SEMA4D: variants seen among roughly 807,000 people sequenced by gnomAD.
SEMA4D encodes the protein semaphorin 4D.
Under a neutral mutation model 74.8 loss-of-function variants are expected in SEMA4D, and 22 were observed. The observed-to-expected ratio is 0.29, with a 90% CI of 0.21 to 0.42. SEMA4D has a LOEUF of 0.42. Among genes scored for constraint, SEMA4D ranks in the 10% least tolerant of loss-of-function variants. SEMA4D has a pLI of 1.00. For missense variants in SEMA4D, 937 were observed against 1,118.4 expected (o/e 0.84, Z 2.31); for synonymous variants, 445 against 463.7 (o/e 0.96, Z 0.52).
exon 19 of SEMA4D, chr9:89,362,080 C>A (rs111907314): frequency 1.3e-5 from 7 of 527,464 alleles, no homozygotes; most frequent in Middle Eastern, 5.0e-4. Flanking sequence ...CCTGCACACA[C>A]CCTGCTGTTT....
chr9:89,364,343 C>G, intron 16 of SEMA4D: 1 of 314,284 alleles, frequency 3.2e-6, no homozygotes, highest in South Asian at 3.0e-5. Flanking sequence ...AGAGACATCC[C>G]AAGGCTCTGC....
Position 89,450,658 on chromosome 9 carries a change from A to AG in SEMA4D, c.-244+5229dup, listed in dbSNP as rs1176510497. 245 of 443,494 alleles carry AG rather than the reference A, an allele frequency of 5.5e-4. 16 individuals are homozygous for AG. The highest frequency in any genetic ancestry group is 1.6e-3 in the African/African-American group (26 of 16,466). The allele number at this position is 443,494 out of a possible 1,614,324, so 27.5% of individuals were successfully genotyped here. A position where few individuals can be genotyped will look rare whatever the true frequency, so the allele number is the denominator to read the frequency against. On this transcript the variant is annotated intron_variant, in intron 2 of 15. Coordinates refer to ENST00000422704, the MANE Select transcript of SEMA4D (RefSeq NM_001371194.2). The stretch of plus-strand genomic sequence containing the variant: ...CAGAGTTCTGCAAGTCGAAAAACCC[A>AG]GGAAAAAAAAAAAAAAAAAAAAAAA...
chr9:89,465,796 A>G (rs965430502), intron 1 of SEMA4D, among the ~76,000 whole-genome samples: 1 of 152,216 alleles, frequency 6.6e-6, no homozygotes, highest in Non-Finnish European at 1.5e-5. Context: ...TGACTTACAG[A>G]GCTGTACAAA....
chr9:89,424,668 C>A (rs1177410787), intron 2 of SEMA4D, among the ~76,000 whole-genome samples: 1 of 151,954 alleles, frequency 6.6e-6, no homozygotes, highest in African/African-American at 2.4e-5. Context: ...CTCCTGGGCA[C>A]CCTCTTCCTG....
intron 2 of SEMA4D, among the ~76,000 whole-genome samples, chr9:89,426,234 A>G (rs1848078895): frequency 6.6e-6 from 1 of 152,252 alleles, no homozygotes; most frequent in Non-Finnish European, 1.5e-5. Context: ...ATGAGGGGAT[A>G]GGCCCAGGAG....
intron 1 of SEMA4D, among the ~76,000 whole-genome samples, chr9:89,471,595 T>TGCCGGCTCAGGTGCAC (rs1554787245): frequency 6.7e-6 from 1 of 150,312 alleles, no homozygotes; most frequent in Non-Finnish European, 1.5e-5. Flanking sequence ...CTCAGATGCA[T>TGCCGGCTCAGGTGCAC]GCCAGCTCAG....
chr9:89,490,886 T>C (rs956844857), intron 1 of SEMA4D, among the ~76,000 whole-genome samples: 2 of 152,184 alleles, frequency 1.3e-5, no homozygotes, highest in Non-Finnish European at 2.9e-5. Context: ...GGCCATATGG[T>C]CTCTGTGGCA....
At chr9:89,493,319 C>T (rs774439789) in intron 1 of SEMA4D, among the ~76,000 whole-genome samples, 1 of 152,180 alleles carries the variant, frequency 6.6e-6, no homozygotes, top group Non-Finnish European at 1.5e-5. Context: ...TCTGTGCAGG[C>T]GCAAAGGCAG....
intron 7 of SEMA4D, among the ~76,000 whole-genome samples, chr9:89,393,078 G>C (rs1051820093): frequency 3.3e-5 from 5 of 152,180 alleles, no homozygotes; most frequent in Admixed American, 6.5e-5. Context: ...GACCACAGGT[G>C]TGCTCTCACT....
chr9:89,427,433 G>A (rs1174634895), intron 2 of SEMA4D, among the ~76,000 whole-genome samples: 1 of 152,114 alleles, frequency 6.6e-6, no homozygotes, highest in African/African-American at 2.4e-5. Flanking sequence ...AGACAGCCGG[G>A]GCCTGGGGAG....
intron 1 of SEMA4D, among the ~76,000 whole-genome samples, chr9:89,482,750 A>T (rs1234465346): frequency 6.6e-6 from 1 of 152,224 alleles, no homozygotes; most frequent in African/African-American, 2.4e-5. Context: ...TGACACCATC[A>T]CTTATTTAGA....
intron 1 of SEMA4D, among the ~76,000 whole-genome samples, chr9:89,471,156 T>C (rs1860088953): frequency 6.6e-6 from 1 of 152,240 alleles, no homozygotes; most frequent in African/African-American, 2.4e-5. Flanking sequence ...CACTGCGTGA[T>C]TCCACTTATA....
Position 89,379,270 on chromosome 9 carries a change from C to T in SEMA4D, c.2023G>A (p.Ala675Thr). The T allele has an allele frequency of 6.2e-7, 1 of 1,614,054 alleles. No individual in the cohort carries two copies. The highest frequency in any genetic ancestry group is 8.5e-7 in the Non-Finnish European group (1 of 1,180,012). The change falls in exon 16 of 16, where the codon GCA becomes ACA. Residue 675 changes from alanine (A) to threonine (T), a missense_variant. Coordinates refer to ENST00000422704, the MANE Select transcript of SEMA4D (RefSeq NM_001371194.2). Reference protein sequence around the residue: ...GSRIATKVLVASTQGSSPPTP... With the variant: ...GSRIATKVLVTSTQGSSPPTP... ...GGGGGAGAAGACCCTTGGGTGGATG[C>T]CACCAACACTTTGGTGGCAATCCTA... is the stretch of plus-strand genomic sequence containing the variant.
chr9:89,388,494 T>A (rs1163614768), intron 11 of SEMA4D, 142 bp downstream of exon 11: 2 of 932,982 alleles, frequency 2.1e-6, no homozygotes, highest in African/African-American at 3.3e-5. Context: ...TGAGCTGTGC[T>A]CATCGGCCGT....
At chr9:89,371,405 CTGGGGTG>C (rs1834725890) in intron 16 of SEMA4D, among the ~76,000 whole-genome samples, 1 of 36,628 alleles carries the variant, frequency 2.7e-5, no homozygotes, top group African/African-American at 1.1e-4. Context: ...TGGTGTGTGT[CTGGGGTG>C]TGGTGTGTGT....
Position 89,482,792 on chromosome 9 carries a change from C to T in SEMA4D, c.-310+15127G>A, listed in dbSNP as rs369507749. Among the ~76,000 whole-genome samples the T allele has an allele frequency of 1.1e-4, 16 of 152,298 alleles. No homozygotes were observed. In the East Asian group the frequency reaches 1.2e-3, roughly 11 times the overall value. The stretch of plus-strand genomic sequence containing the variant: ...CACTGTGGCCTGAGCATGGTCTCCT[C>T]GCTGAGAAAAGAGAAAGGGGAGAGA... On this transcript the variant is annotated intron_variant, in intron 1 of 15. Coordinates refer to ENST00000422704, the MANE Select transcript of SEMA4D (RefSeq NM_001371194.2).
intron 9 of SEMA4D, among the ~76,000 whole-genome samples, chr9:89,389,351 C>T (rs913083276): frequency 2.6e-5 from 4 of 152,178 alleles, no homozygotes; most frequent in African/African-American, 4.8e-5. Flanking sequence ...GTCCTGCAAC[C>T]GCAGAGGTGC....
Position 89,381,188 on chromosome 9 carries a change from G to T in SEMA4D, c.1605C>A (p.Thr535=). The T allele has an allele frequency of 1.2e-6, 2 of 1,613,438 alleles. No homozygotes were observed. The highest frequency in any genetic ancestry group is 1.7e-6 in the Non-Finnish European group (2 of 1,179,476). Residue 535 remains threonine (T), a synonymous_variant, in exon 14 of 16, where the codon ACC becomes ACA. Coordinates refer to ENST00000422704, the MANE Select transcript of SEMA4D (RefSeq NM_001371194.2). This position sits in a 1 kb window ranked among gnomAD's most constrained non-coding sequence, Gnocchi z 4.6. ...CCGCCCCATACCTGCTGGGGCTCTCGGTCTGGTGCAGAGCCACGCAGGTCG... is the reference window on the plus strand; with the variant it reads ...CCGCCCCATACCTGCTGGGGCTCTCTGTCTGGTGCAGAGCCACGCAGGTCG... ...PTATCVALHQ[T]ESPSRGLIQE... is the part of the protein sequence containing the mutation.
At chr9:89,497,476 TGGGGCCTGACCTGGC>T (rs1564025303) in intron 1 of SEMA4D, 1 of 151,622 alleles carries the variant, frequency 6.6e-6, no homozygotes, top group African/African-American at 2.4e-5. Flanking sequence ...CTGGCCGGAG[TGGGGCCTGACCTGGC>T]GGGGCCGGAC....
Sources: allele counts gnomAD v4.1 joint callset (sites outside exome capture counted in the v4.1 genomes callset), GRCh38; gene constraint gnomAD v4.1.1; non-coding constraint Gnocchi (gnomAD v3.1); transcripts MANE v1.5; gene names NCBI Gene and HGNC (gene_info 2026-07-23, HGNC 2026-07-21).